UNC13C: variants seen among roughly 807,000 people sequenced by gnomAD.
UNC13C encodes the protein protein unc-13 homolog C.
A neutral mutation model predicts 245.4 loss-of-function variants in UNC13C; 174 were observed. The observed-to-expected ratio is 0.71, with a 90% CI of 0.63 to 0.80. The LOEUF (loss-of-function observed/expected upper bound fraction) is 0.80. Among genes scored for constraint, UNC13C ranks in the 30% least tolerant of loss-of-function variants. The pLI is 0.00. For synonymous variants in UNC13C, 992 were observed against 895.1 expected (o/e 1.11, Z -1.93); for missense variants, 2,829 against 2,602.9 (o/e 1.09, Z -1.89).
At chr15:54,523,961 TA>T (rs923131828) in intron 24 of UNC13C, among the ~76,000 whole-genome samples, 2 of 152,132 alleles carry the variant, frequency 1.3e-5, no homozygotes, top group African/African-American at 4.8e-5. Flanking sequence ...AAATATCATT[TA>T]AAAAAATTCA....
At chr15:54,375,499 A>G (rs182127637) in intron 17 of UNC13C, among the ~76,000 whole-genome samples, 23 of 152,306 alleles carry the variant, frequency 1.5e-4, no homozygotes, top group African/African-American at 5.3e-4. Flanking sequence ...ATAAATTCAC[A>G]TTTAGATTAT....
the UNC13C span, among the ~76,000 whole-genome samples, chr15:53,960,214 T>C: frequency 6.6e-6 from 1 of 152,176 alleles, no homozygotes; most frequent in African/African-American, 2.4e-5. Flanking sequence ...ATATGTAACC[T>C]AAGTCTTAGT....
At chr15:54,060,138 G>T (rs1897743039) in intron 2 of UNC13C, among the ~76,000 whole-genome samples, 3 of 92,004 alleles carry the variant, frequency 3.3e-5, no homozygotes, top group Admixed American at 1.9e-4. Context: ...AAACTAAAGA[G>T]CTTCTGCACA....
intron 19 of UNC13C, among the ~76,000 whole-genome samples, chr15:54,431,835 G>A (rs546606194): frequency 1.4e-4 from 21 of 151,586 alleles, no homozygotes; most frequent in African/African-American, 4.6e-4. Context: ...ATTCTTTCTA[G>A]AGATCACATT....
At chr15:53,838,271 A>C in the UNC13C span, among the ~76,000 whole-genome samples, 1 of 152,048 alleles carries the variant, frequency 6.6e-6, no homozygotes, top group South Asian at 2.1e-4. Context: ...TTTCTCCATA[A>C]AATATCACAA....
At chr15:54,551,512 A>G (rs1896734939) in intron 28 of UNC13C, among the ~76,000 whole-genome samples, 1 of 152,020 alleles carries the variant, frequency 6.6e-6, no homozygotes, top group African/African-American at 2.4e-5. Flanking sequence ...GGGTATATAC[A>G]TGCTCTGTGG....
chr15:54,283,836 G>A (rs546651789), intron 10 of UNC13C, among the ~76,000 whole-genome samples: 19 of 152,208 alleles, frequency 1.2e-4, no homozygotes, highest in African/African-American at 3.9e-4. Context: ...TCCCGAAGTC[G>A]TATTGCTAGT....
In UNC13C at chr15:54,004,917, C is replaced by T. The variant is rs201086133; in HGVS notation, c.-256-7731C>T. ...TATATTCCGGTTATTAATCCCTTGT[C>T]GGATGGGTAGTTTGCAAATATTTTC... On this transcript the variant is annotated intron_variant, in intron 1 of 32. Coordinates refer to ENST00000260323, the MANE Select transcript of UNC13C (RefSeq NM_001080534.3). Among the ~76,000 whole-genome samples, 16 of 152,226 alleles carry T rather than the reference C, an allele frequency of 1.1e-4. No individual in the cohort carries two copies. The South Asian group carries it at 2.5e-3, about 24-fold the overall frequency.
At chr15:53,958,766 A>G in the UNC13C span, among the ~76,000 whole-genome samples, 16 of 152,264 alleles carry the variant, frequency 1.1e-4, no homozygotes, top group East Asian at 2.9e-3. Context: ...GGTAATTGGG[A>G]TATCCATTAT....
chr15:54,377,090 G>T (rs1484940211), intron 17 of UNC13C, among the ~76,000 whole-genome samples: 2 of 152,254 alleles, frequency 1.3e-5, no homozygotes, highest in South Asian at 4.2e-4. Context: ...CAGCCGTCAG[G>T]TGCTAGGAGA....
chr15:54,532,834 G>A lies in UNC13C; in HGVS notation c.5547-83G>A, dbSNP rs943799712. On this transcript the variant is annotated intron_variant, in intron 25 of 32. Coordinates refer to ENST00000260323, the MANE Select transcript of UNC13C (RefSeq NM_001080534.3). ...AGGGGAATTCACACCAGTTGAAACA[G>A]ATCAAAATCCTCAGGGTGAAATTGG... 4 of 955,056 alleles carry A rather than the reference G, an allele frequency of 4.2e-6. No individual in the cohort carries two copies. The African/African-American group carries it at 6.7e-5, about 16-fold the overall frequency. 59.2% of individuals were successfully genotyped at this position (955,056 alleles called of 1,614,324 possible).
intron 17 of UNC13C, among the ~76,000 whole-genome samples, chr15:54,363,429 G>A (rs973017129): frequency 1.1e-4 from 17 of 152,120 alleles, no homozygotes; most frequent in Admixed American, 2.6e-4. Context: ...GGTTTTTATC[G>A]AGGTGAATAT....
At position 54,250,279 on chromosome 15, in the gene UNC13C, A is replaced by G. The variant is rs775670591; in HGVS notation, c.3283A>G (p.Thr1095Ala). Residue 1095 changes from threonine to alanine, a missense_variant, in exon 8 of 33, where the codon ACC becomes GCC. Transcript: ENST00000260323. ...GGCACTGATCTACCCTATGTCTTCT[A>G]CCATCCCACACAATTTTGAGGTCTG... ...LQALIYPMSS[T>A]IPHNFEVWTA... 9 of 1,613,832 alleles carry G rather than the reference A, an allele frequency of 5.6e-6. No homozygotes were observed. Among genetic ancestry groups the G allele is most frequent in the Non-Finnish European group, 6.8e-6 (8 of 1,179,886 alleles).
chr15:54,311,743 A>G (rs2037878610), intron 13 of UNC13C, among the ~76,000 whole-genome samples: 1 of 151,808 alleles, frequency 6.6e-6, no homozygotes, highest in South Asian at 2.1e-4. Context: ...TCAGTAATAC[A>G]TTTTGAAAGA....
At chr15:54,109,274 C>T (rs1194386548) in intron 2 of UNC13C, among the ~76,000 whole-genome samples, 1 of 68,540 alleles carries the variant, frequency 1.5e-5, no homozygotes, top group African/African-American at 6.1e-5. Flanking sequence ...CCCTCTCCTC[C>T]CCTCCCCTCC....
rs573673429 is a variant in UNC13C, at chr15:54,546,719, C to T, written c.5697-3C>T. The T allele has an allele frequency of 2.9e-3, 4,206 of 1,451,340 alleles. 76 individuals are homozygous for T. The African/African-American group carries it at 0.04, about 14-fold the overall frequency. 89.9% of individuals were successfully genotyped at this position (1,451,340 alleles called of 1,614,324 possible). ...TGAATATATATATATATTTTTTTTT[C>T]AGATTAAGTCTCTCAGCAAAAATCT... On this transcript the variant is annotated splice_region_variant and splice_polypyrimidine_tract_variant and intron_variant, in intron 26 of 32. Coordinates refer to ENST00000260323, the MANE Select transcript of UNC13C (RefSeq NM_001080534.3).
chr15:54,559,282 A>G (rs1013167623), intron 29 of UNC13C, among the ~76,000 whole-genome samples: 1 of 152,050 alleles, frequency 6.6e-6, no homozygotes, highest in Non-Finnish European at 1.5e-5. Flanking sequence ...AGGCAAACAT[A>G]AGAGCATGGT....
At chr15:54,421,403 A>T (rs1172332074) in intron 19 of UNC13C, among the ~76,000 whole-genome samples, 1 of 152,030 alleles carries the variant, frequency 6.6e-6, no homozygotes, top group East Asian at 1.9e-4. Flanking sequence ...TAGCCCAATC[A>T]TTGACTTCTT....
At chr15:54,285,639 C>T (rs897875955) in intron 10 of UNC13C, among the ~76,000 whole-genome samples, 3 of 152,170 alleles carry the variant, frequency 2.0e-5, no homozygotes, top group Non-Finnish European at 4.4e-5. Context: ...ATTTTCTCAA[C>T]TGATGCCCTG....
Sources: gnomAD v4.1 joint callset for allele counts (sites outside exome capture counted in the v4.1 genomes callset) on GRCh38, gnomAD v4.1.1 for gene constraint, MANE v1.5 for transcripts, NCBI Gene and HGNC (gene_info 2026-07-23, HGNC 2026-07-21) for gene names.